SLC24A2: variants seen among roughly 807,000 people sequenced by gnomAD.
SLC24A2 encodes sodium/potassium/calcium exchanger 2.
SLC24A2 carries 36 observed loss-of-function variants against 62.0 expected under a neutral mutation model. That is an observed-to-expected ratio of 0.58 (90% CI 0.44 to 0.77). The LOEUF (loss-of-function observed/expected upper bound fraction) is 0.77, where lower values mean the gene tolerates loss of function less well. Among genes scored for constraint, SLC24A2 ranks in the 30% least tolerant of loss-of-function variants. The pLI, the probability that SLC24A2 is intolerant of heterozygous loss-of-function variation, is 0.00. For missense variants in SLC24A2, 846 were observed against 817.9 expected (o/e 1.03, Z -0.42); for synonymous variants, 358 against 294.0 (o/e 1.22, Z -2.23).
At chr9:19,919,685 G>A in the SLC24A2 span, among the ~76,000 whole-genome samples, 2 of 152,124 alleles carry the variant, frequency 1.3e-5, no homozygotes, top group African/African-American at 4.8e-5. Context: ...CTGCAGGGCT[G>A]GGGAGGCCTC....
At chr9:20,021,133 T>A in the SLC24A2 span, among the ~76,000 whole-genome samples, 1 of 152,184 alleles carries the variant, frequency 6.6e-6, no homozygotes, top group Non-Finnish European at 1.5e-5. Context: ...AAAATTAACA[T>A]CTTCACATTA....
At chr9:19,876,493 C>G in the SLC24A2 span, among the ~76,000 whole-genome samples, 3 of 151,608 alleles carry the variant, frequency 2.0e-5, no homozygotes, top group Non-Finnish European at 4.4e-5. Flanking sequence ...TTCTTTACAG[C>G]CTTCTTCTGG....
the SLC24A2 span, among the ~76,000 whole-genome samples, chr9:20,020,763 G>C: frequency 6.6e-6 from 1 of 152,156 alleles, no homozygotes; most frequent in Admixed American, 6.5e-5. Context: ...TAAATCTATT[G>C]GCTTTCAAAG....
the SLC24A2 span, among the ~76,000 whole-genome samples, chr9:19,910,767 G>T: frequency 1.3e-5 from 2 of 152,044 alleles, no homozygotes; most frequent in Non-Finnish European, 2.9e-5. Context: ...ACTCTGAAAA[G>T]CCTTCCCAGA....
intron 5 of SLC24A2, among the ~76,000 whole-genome samples, chr9:19,580,490 T>C (rs1836170341): frequency 6.6e-6 from 1 of 152,144 alleles, no homozygotes; most frequent in Admixed American, 6.5e-5. Context: ...TAACAGGATA[T>C]ATGTGAGCGT....
In SLC24A2 at chr9:19,516,136, A is replaced by C. The variant is rs776752338; in HGVS notation, c.*17T>G. On this transcript the variant is annotated 3_prime_UTR_variant, in exon 11 of 11. Transcript: ENST00000341998. Reference sequence around the variant, plus strand: ...AGGGACCATTCATGCTGCTGGTGCAAGATATGGCTTTTCCTGCTAGATGGA... The same window carrying C: ...AGGGACCATTCATGCTGCTGGTGCACGATATGGCTTTTCCTGCTAGATGGA... 6.2e-7 allele frequency: 1 copy of C among 1,613,932 alleles called. No homozygotes were observed. The highest frequency in any genetic ancestry group is 8.5e-7 in the Non-Finnish European group (1 of 1,179,966).
At chr9:19,969,183 C>CCACACACACACACACACACACACACA in the SLC24A2 span, among the ~76,000 whole-genome samples, 2 of 122,270 alleles carry the variant, frequency 1.6e-5, no homozygotes, top group East Asian at 5.0e-4. Flanking sequence ...ACCTCCTTTG[C>CCACACACACACACACACACACACACA]CACACACACA....
chr9:19,968,085 A>C, the SLC24A2 span: 26 of 152,264 alleles, frequency 1.7e-4, no homozygotes, highest in African/African-American at 6.3e-4. Context: ...TAGGGAGGAT[A>C]ATTTTATCTA....
the SLC24A2 span, among the ~76,000 whole-genome samples, chr9:20,084,380 G>A: frequency 6.6e-6 from 1 of 152,130 alleles, no homozygotes; most frequent in African/African-American, 2.4e-5. Context: ...AGCTTGGGAG[G>A]CTGAAATTGG....
chr9:19,671,249 T>C (rs577984740), intron 2 of SLC24A2, among the ~76,000 whole-genome samples: 8 of 151,966 alleles, frequency 5.3e-5, no homozygotes, highest in Non-Finnish European at 1.2e-4. Context: ...GTTTTCCTTG[T>C]AGAAGTCTTT....
At chr9:20,291,985 A>T in the SLC24A2 span, among the ~76,000 whole-genome samples, 4 of 152,162 alleles carry the variant, frequency 2.6e-5, 1 homozygote, top group Admixed American at 1.3e-4. Context: ...CAATATGGAG[A>T]CTAGAAAGGG....
intron 5 of SLC24A2, among the ~76,000 whole-genome samples, chr9:19,586,247 C>G (rs1836367179): frequency 6.6e-6 from 1 of 152,206 alleles, no homozygotes; most frequent in Admixed American, 6.5e-5. Flanking sequence ...CTCTCCCCAA[C>G]TAGCCTGTGG....
the SLC24A2 span, among the ~76,000 whole-genome samples, chr9:20,137,383 G>A: frequency 6.6e-6 from 1 of 152,212 alleles, no homozygotes; most frequent in African/African-American, 2.4e-5. Context: ...CTGGCAGAGA[G>A]AGCACTGAAG....
chr9:20,073,891 C>CACATATATATATATATATATAT, the SLC24A2 span, among the ~76,000 whole-genome samples: 1 of 87,100 alleles, frequency 1.1e-5, no homozygotes, highest in African/African-American at 4.1e-5. Flanking sequence ...TATATATATA[C>CACATATATATATATATATATAT]ACACATATAT....
the SLC24A2 span, among the ~76,000 whole-genome samples, chr9:19,934,783 A>G: frequency 8.3e-4 from 126 of 152,272 alleles, no homozygotes; most frequent in Non-Finnish European, 1.4e-3. The surrounding 1 kb of genome is among the most constrained non-coding windows in gnomAD (Gnocchi z 4.1). Context: ...TCTACAGAGT[A>G]ACGAACCGAG....
the SLC24A2 span, among the ~76,000 whole-genome samples, chr9:19,893,823 T>G: frequency 6.6e-6 from 1 of 152,124 alleles, no homozygotes; most frequent in Admixed American, 6.5e-5. Context: ...GGCTTCCCAA[T>G]TGTCAAATTG....
At chr9:19,676,528 A>AT (rs1196091986) in intron 2 of SLC24A2, among the ~76,000 whole-genome samples, 3 of 151,798 alleles carry the variant, frequency 2.0e-5, no homozygotes, top group Admixed American at 6.6e-5. Flanking sequence ...TATATCTTCT[A>AT]TTTTTTTTCC....
chr9:19,837,586 G>A, the SLC24A2 span, among the ~76,000 whole-genome samples: 12 of 147,468 alleles, frequency 8.1e-5, no homozygotes, highest in Non-Finnish European at 1.6e-4. Context: ...GGCAGGAGAA[G>A]GAAATAAAGG....
chr9:19,749,784 T>C (rs1821931204), intron 2 of SLC24A2, among the ~76,000 whole-genome samples: 1 of 152,204 alleles, frequency 6.6e-6, no homozygotes, highest in African/African-American at 2.4e-5. Flanking sequence ...CTCGAATTAG[T>C]GGGACTCAGT....
Sources: gnomAD v4.1 joint callset for allele counts (sites outside exome capture counted in the v4.1 genomes callset) on GRCh38, gnomAD v4.1.1 for gene constraint, Gnocchi (gnomAD v3.1) non-coding constraint, MANE v1.5 for transcripts, NCBI Gene and HGNC (gene_info 2026-07-23, HGNC 2026-07-21) for gene names.